WDPCP: variants seen among roughly 807,000 people sequenced by gnomAD.
WDPCP encodes the protein WD repeat containing planar cell polarity effector.
A neutral mutation model predicts 93.1 loss-of-function variants in WDPCP; 71 were observed. That is an observed-to-expected ratio of 0.76 (90% CI 0.63 to 0.93). The LOEUF (loss-of-function observed/expected upper bound fraction) is 0.93. WDPCP is among the 40% of genes least tolerant of loss of function. WDPCP has a pLI of 0.00. For missense variants in WDPCP, 844 were observed against 887.4 expected (o/e 0.95, Z 0.62); for synonymous variants, 315 against 315.0 (o/e 1.00, Z 0.00).
chr2:63,552,080 C>T (rs894810996), intron 1 of WDPCP, among the ~76,000 whole-genome samples: 2 of 18,292 alleles, frequency 1.1e-4, no homozygotes, highest in Non-Finnish European at 1.7e-4. Context: ...GTGTGAGCCA[C>T]CACACTTGGC....
intron 10 of WDPCP, among the ~76,000 whole-genome samples, chr2:63,385,597 G>T (rs9808385): frequency 1.3e-5 from 2 of 151,684 alleles, no homozygotes; most frequent in Non-Finnish European, 2.9e-5. Context: ...ATAAAACTAC[G>T]CAGAGAGAAA....
intron 2 of WDPCP, chr2:63,684,319 T>C: frequency 1.6e-6 from 1 of 631,512 alleles, no homozygotes; most frequent in Non-Finnish European, 3.0e-6. Flanking sequence ...GGCAAGTTCA[T>C]GAAACCTGGG....
intron 2 of WDPCP, among the ~76,000 whole-genome samples, chr2:63,696,373 A>G (rs1173643272): frequency 6.6e-6 from 1 of 152,210 alleles, no homozygotes; most frequent in African/African-American, 2.4e-5. Flanking sequence ...TTGTTCCATG[A>G]AGCCATGAAA....
rs555989432 is a variant in WDPCP at position 63,145,605 on chromosome 2, T to C, written c.2190+7309A>G. 9.2e-5 allele frequency among the ~76,000 whole-genome samples: 14 copies of C among 152,292 alleles called. No homozygotes were observed. In the South Asian group the frequency reaches 2.9e-3, roughly 32 times the overall value. On this transcript the variant is annotated intron_variant, in intron 17 of 17. Transcript: ENST00000272321. ...TGAAGGGCCTGTCTCACTCCCACCATGCCCCCCAACAACAGTCCTGAGTCT... is the reference window on the plus strand; with the variant it reads ...TGAAGGGCCTGTCTCACTCCCACCACGCCCCCCAACAACAGTCCTGAGTCT...
chr2:63,456,602 G>T (rs1022224866), intron 6 of WDPCP, among the ~76,000 whole-genome samples: 1 of 151,874 alleles, frequency 6.6e-6, no homozygotes, highest in Non-Finnish European at 1.5e-5. Context: ...AGACCTCAAG[G>T]AACAAGAAAA....
At chr2:63,350,976 T>TTA (rs112180182) in intron 12 of WDPCP, among the ~76,000 whole-genome samples, 2 of 147,900 alleles carry the variant, frequency 1.4e-5, no homozygotes, top group African/African-American at 2.5e-5. Context: ...TCAACATTTA[T>TTA]TTATTATTAT....
chr2:63,200,209 T>C (rs1346487938), intron 14 of WDPCP, among the ~76,000 whole-genome samples: 2 of 151,630 alleles, frequency 1.3e-5, no homozygotes, highest in East Asian at 1.9e-4. Context: ...TTTTTTAAGA[T>C]GAGAAAAGGG....
chr2:63,339,361 C>T (rs913750479), intron 12 of WDPCP, among the ~76,000 whole-genome samples: 10 of 152,020 alleles, frequency 6.6e-5, no homozygotes, highest in African/African-American at 2.2e-4. Flanking sequence ...TTAGTAGAGA[C>T]GGGGTTTCAC....
intron 6 of WDPCP, among the ~76,000 whole-genome samples, chr2:63,445,151 TAAAAAA>T (rs564543441): frequency 7.2e-6 from 1 of 139,096 alleles, no homozygotes; most frequent in Non-Finnish European, 1.6e-5. Flanking sequence ...TTCAGTAAGT[TAAAAAA>T]AAACACGTAA....
At chr2:63,736,060 C>A (rs998909810) in intron 2 of WDPCP, among the ~76,000 whole-genome samples, 6 of 152,162 alleles carry the variant, frequency 3.9e-5, no homozygotes, top group African/African-American at 7.2e-5. Context: ...AAGTCTAGGC[C>A]AGTTTCCCCA....
chr2:63,273,384 T>A (rs1682808196), intron 13 of WDPCP, among the ~76,000 whole-genome samples: 1 of 146,520 alleles, frequency 6.8e-6, no homozygotes, highest in African/African-American at 2.5e-5. Flanking sequence ...CAAACTACAA[T>A]AATAAACAGT....
intron 2 of WDPCP, among the ~76,000 whole-genome samples, chr2:63,796,110 G>C (rs895341775): frequency 3.9e-5 from 6 of 152,192 alleles, no homozygotes; most frequent in African/African-American, 1.4e-4. Context: ...ATACAAGAGA[G>C]TTATAGCTTC....
chr2:63,350,241 G>T (rs773196239), intron 12 of WDPCP, among the ~76,000 whole-genome samples: 13 of 152,106 alleles, frequency 8.5e-5, no homozygotes, highest in Non-Finnish European at 1.3e-4. Context: ...ATTGAACAAT[G>T]GGAACACTTG....
intron 1 of WDPCP, among the ~76,000 whole-genome samples, chr2:63,555,819 CA>C (rs529456199): frequency 1.3e-5 from 2 of 151,988 alleles, no homozygotes; most frequent in Non-Finnish European, 2.9e-5. Context: ...ACAGCATCAA[CA>C]AAAAAAGTCC....
intron 2 of WDPCP, among the ~76,000 whole-genome samples, chr2:63,762,028 G>T (rs1216638049): frequency 6.6e-6 from 1 of 152,196 alleles, no homozygotes; most frequent in Non-Finnish European, 1.5e-5. Context: ...GTCTTAGCGT[G>T]GTTCTTCAAG....
chr2:63,490,797 G>A (rs1480007777), intron 2 of WDPCP, among the ~76,000 whole-genome samples: 3 of 152,106 alleles, frequency 2.0e-5, no homozygotes, highest in Admixed American at 2.0e-4. Flanking sequence ...GGGTAAAAGG[G>A]GATCAAGATG....
chr2:63,172,768 C>T (rs757489816), intron 15 of WDPCP, among the ~76,000 whole-genome samples: 35 of 152,266 alleles, frequency 2.3e-4, no homozygotes, highest in Middle Eastern at 6.8e-3. Flanking sequence ...TATTCTGGTA[C>T]ATCGGAGCAT....
intron 2 of WDPCP, among the ~76,000 whole-genome samples, chr2:63,678,425 G>T (rs1012641581): frequency 6.6e-6 from 1 of 152,172 alleles, no homozygotes; most frequent in African/African-American, 2.4e-5. Flanking sequence ...AATTGATTAA[G>T]AATTGATTGA....
chr2:63,745,846 T>C (rs985453129), intron 2 of WDPCP, among the ~76,000 whole-genome samples: 3 of 152,140 alleles, frequency 2.0e-5, no homozygotes, highest in Admixed American at 2.0e-4. Context: ...TGCCAAACTG[T>C]TTTTGTGCCC....
Sources: allele counts gnomAD v4.1 joint callset (sites outside exome capture counted in the v4.1 genomes callset), GRCh38; gene constraint gnomAD v4.1.1; transcripts MANE v1.5; gene names NCBI Gene and HGNC (gene_info 2026-07-23, HGNC 2026-07-21).